Variants in CCDC93 observed in about 807,000 individuals in gnomAD.
CCDC93 encodes coiled-coil domain-containing protein 93.
CCDC93 carries 61 observed loss-of-function variants against 108.2 expected under a neutral mutation model. The ratio of observed to expected loss-of-function variants is 0.56; its 90% confidence interval spans 0.46 to 0.70. The LOEUF is 0.70. CCDC93 is among the 30% of genes least tolerant of loss of function. The probability of loss-of-function intolerance (pLI) is 0.00; values close to 1 mark genes in which losing one functional copy is unlikely to be tolerated. For synonymous variants in CCDC93, 276 were observed against 260.4 expected, an observed-to-expected ratio of 1.06 and a Z score of -0.58; for missense variants, 685 against 764.2, an observed-to-expected ratio of 0.90 and a Z score of 1.22.
intron 1 of CCDC93, among the ~76,000 whole-genome samples, chr2:118,012,172 C>A (rs1040805319): frequency 1.3e-5 from 2 of 151,962 alleles, no homozygotes; most frequent in African/African-American, 4.8e-5. Flanking sequence ...TACTGGGAAG[C>A]CTGAGGCATA....
In CCDC93 at chr2:117,945,532, A is replaced by G; in HGVS notation, c.1347T>C (p.His449=). The change falls in exon 17 of 24, where the codon CAT becomes CAC. Residue 449 remains histidine, a synonymous_variant. Coordinates refer to ENST00000376300, the MANE Select transcript of CCDC93 (RefSeq NM_019044.5). ...TCCTGAGCAGGCAGGTACTTACGTC[A>G]TGAGTCATTGCAGAGGTCAAGGTAC... ...PPGTLTSAMT[H]DEDLDRRYNM... 4 of 1,613,932 alleles carry G rather than the reference A, an allele frequency of 2.5e-6. No homozygotes were observed. The highest frequency in any genetic ancestry group is 3.4e-6 in the Non-Finnish European group (4 of 1,179,836).
At chr2:117,958,508 A>T in intron 11 of CCDC93, 27 bp from the exon 12 acceptor site, 1 of 1,325,550 alleles carries the variant, frequency 7.5e-7, no homozygotes, top group Non-Finnish European at 1.1e-6. Flanking sequence ...TGGCAAATCC[A>T]AAGGATTTAG....
intron 13 of CCDC93, among the ~76,000 whole-genome samples, chr2:117,952,145 C>A (rs567040271): frequency 5.9e-5 from 9 of 152,134 alleles, no homozygotes; most frequent in South Asian, 4.2e-4. Context: ...ACAGAGACCC[C>A]TCCCACCAAG....
intron 15 of CCDC93, 53 bp downstream of exon 15, chr2:117,948,052 C>G (rs943137422): frequency 2.1e-6 from 3 of 1,419,220 alleles, no homozygotes; most frequent in Non-Finnish European, 3.0e-6. Context: ...GGAGGTAAAC[C>G]AAGAGATTCA....
chr2:117,993,134 C>T (rs1291311796), intron 6 of CCDC93, among the ~76,000 whole-genome samples: 3 of 152,130 alleles, frequency 2.0e-5, no homozygotes, highest in Admixed American at 6.5e-5. Context: ...CTGTGGCTCA[C>T]GCCTGTAATC....
At chr2:117,973,789 C>T (rs527448985) in intron 11 of CCDC93, 119 bp downstream of exon 11, 110 of 736,852 alleles carry the variant, frequency 1.5e-4, no homozygotes, top group African/African-American at 1.1e-3. Flanking sequence ...TTCTGACTAA[C>T]GTGGCTGGTG....
intron 23 of CCDC93, among the ~76,000 whole-genome samples, chr2:117,930,024 T>C (rs759999800): frequency 6.6e-6 from 1 of 152,250 alleles, no homozygotes; most frequent in Non-Finnish European, 1.5e-5. Context: ...ACCTGGCATC[T>C]GCCCAGGGGT....
chr2:117,964,573 A>T (rs548654186), intron 11 of CCDC93, among the ~76,000 whole-genome samples: 190 of 152,140 alleles, frequency 1.2e-3, no homozygotes, highest in Admixed American at 1.9e-3. Flanking sequence ...GATCTCTACA[A>T]CATCACTGAA....
At chr2:117,968,796 A>G (rs796493074) in intron 11 of CCDC93, among the ~76,000 whole-genome samples, 17 of 152,184 alleles carry the variant, frequency 1.1e-4, no homozygotes, top group African/African-American at 3.9e-4. Flanking sequence ...TCTCTTCATA[A>G]AGAAAAAAAA....
intron 10 of CCDC93, 88 bp downstream of exon 10, chr2:117,974,762 C>T (rs921548802): frequency 2.0e-5 from 19 of 951,250 alleles, no homozygotes; most frequent in Admixed American, 1.0e-4. Context: ...GAGGCAGCTC[C>T]GGAGAAGGTG....
At chr2:117,956,217 T>C (rs151010851) in intron 12 of CCDC93, among the ~76,000 whole-genome samples, 49 of 152,280 alleles carry the variant, frequency 3.2e-4, no homozygotes, top group African/African-American at 1.1e-3. Context: ...TTGCTGTCTT[T>C]TAATGACAGC....
chr2:118,008,722 T>C (rs774941494), intron 1 of CCDC93, 64 bp from the exon 2 acceptor site: 46 of 965,582 alleles, frequency 4.8e-5, no homozygotes, highest in Non-Finnish European at 7.1e-5. Context: ...ACCAGGTATA[T>C]CCCCTGATGC....
rs75218931 is a variant in CCDC93, at chr2:118,002,636, G to A, written c.252-1704C>T. ...TCACTGCACACATTCATAGAAGAGAGGGAGTATCTTCCTCCTAGGAGGGAA... is the reference window on the plus strand; with the variant it reads ...TCACTGCACACATTCATAGAAGAGAAGGAGTATCTTCCTCCTAGGAGGGAA... On this transcript the variant is annotated intron_variant, in intron 3 of 23. Coordinates refer to ENST00000376300, the MANE Select transcript of CCDC93 (RefSeq NM_019044.5). Among the ~76,000 whole-genome samples, 516 of 152,302 alleles carry A rather than the reference G, an allele frequency of 3.4e-3. 25 individuals carry two copies. The East Asian group carries it at 0.079, about 23-fold the overall frequency.
intron 12 of CCDC93, among the ~76,000 whole-genome samples, chr2:117,957,481 C>G (rs1003830369): frequency 6.6e-6 from 1 of 152,160 alleles, no homozygotes; most frequent in Admixed American, 6.5e-5. Context: ...ATTGCATCAG[C>G]CTCCTACCTG....
intron 6 of CCDC93, among the ~76,000 whole-genome samples, chr2:117,987,826 T>C (rs908191631): frequency 2.0e-5 from 3 of 152,188 alleles, no homozygotes; most frequent in African/African-American, 7.2e-5. Flanking sequence ...TTAATAGTGG[T>C]AGCAATTGTA....
chr2:117,980,252 A>C (rs1284954791), intron 7 of CCDC93, among the ~76,000 whole-genome samples: 1 of 152,198 alleles, frequency 6.6e-6, no homozygotes, highest in African/African-American at 2.4e-5. Context: ...CTTCTGCTGA[A>C]ACTAGTGGGA....
chr2:117,983,717 A>G (rs1680230192), intron 7 of CCDC93, among the ~76,000 whole-genome samples: 1 of 140,744 alleles, frequency 7.1e-6, no homozygotes, highest in South Asian at 2.3e-4. Flanking sequence ...ATCTCCATGC[A>G]GTGGAGAATG....
intron 6 of CCDC93, among the ~76,000 whole-genome samples, chr2:117,992,027 A>C (rs1309984574): frequency 6.6e-6 from 1 of 152,170 alleles, no homozygotes; most frequent in Admixed American, 6.5e-5. Flanking sequence ...GAGCTCGCTA[A>C]GAAACCTACG....
At chr2:117,949,053 A>G (rs1678967306) in intron 14 of CCDC93, among the ~76,000 whole-genome samples, 1 of 152,180 alleles carries the variant, frequency 6.6e-6, no homozygotes. Context: ...TGAAGGTATG[A>G]CCATTTTGAA....
Sources: gnomAD v4.1 joint callset for allele counts (sites outside exome capture counted in the v4.1 genomes callset) on GRCh38, gnomAD v4.1.1 for gene constraint, MANE v1.5 for transcripts, NCBI Gene and HGNC (gene_info 2026-07-23, HGNC 2026-07-21) for gene names.